Variants in LRMDA observed in about 807,000 individuals in gnomAD.
LRMDA encodes leucine rich melanocyte differentiation associated.
In LRMDA, 18 loss-of-function variants were observed where a neutral mutation model predicts 29.8. That is an observed-to-expected ratio of 0.60 (90% CI 0.42 to 0.90). LRMDA has a LOEUF of 0.90. Among genes scored for constraint, LRMDA ranks in the 40% least tolerant of loss-of-function variants. The pLI is 0.00. For synonymous variants in LRMDA, 125 were observed against 109.4 expected (o/e 1.14, Z -0.89); for missense variants, 273 against 273.9 (o/e 1.00, Z 0.02).
At chr10:76,337,242 G>A (rs1022814099) in intron 6 of LRMDA, among the ~76,000 whole-genome samples, 3 of 152,164 alleles carry the variant, frequency 2.0e-5, no homozygotes, top group Admixed American at 2.0e-4. Flanking sequence ...TGCATAAAGT[G>A]GGCAAACATT....
At chr10:75,650,865 G>A (rs1178670797) in intron 2 of LRMDA, among the ~76,000 whole-genome samples, 1 of 152,072 alleles carries the variant, frequency 6.6e-6, no homozygotes, top group African/African-American at 2.4e-5. Flanking sequence ...CAAAGGATGA[G>A]CCCCCATGGT....
chr10:76,416,780 A>C (rs1842019642), intron 6 of LRMDA, among the ~76,000 whole-genome samples: 1 of 152,138 alleles, frequency 6.6e-6, no homozygotes, highest in Non-Finnish European at 1.5e-5. Context: ...ATTCCACTTC[A>C]TCTCCCCAGT....
chr10:76,469,540 G>A (rs1243383313), intron 6 of LRMDA, among the ~76,000 whole-genome samples: 1 of 152,054 alleles, frequency 6.6e-6, no homozygotes, highest in Admixed American at 6.6e-5. Context: ...GTGGCTTGGA[G>A]GTTTTTCTCA....
chr10:76,396,250 T>C (rs1332464216), intron 6 of LRMDA, among the ~76,000 whole-genome samples: 1 of 152,218 alleles, frequency 6.6e-6, no homozygotes, highest in Non-Finnish European at 1.5e-5. Context: ...GACATCATTA[T>C]TCTTTGTCTC....
intron 5 of LRMDA, among the ~76,000 whole-genome samples, chr10:76,088,730 A>G (rs1367678507): frequency 1.3e-5 from 2 of 152,246 alleles, no homozygotes; most frequent in Non-Finnish European, 2.9e-5. Flanking sequence ...TCTGGAGGCA[A>G]TGAATCCACA....
At chr10:75,958,069 C>G (rs1391494625) in intron 2 of LRMDA, among the ~76,000 whole-genome samples, 1 of 152,066 alleles carries the variant, frequency 6.6e-6, no homozygotes, top group Non-Finnish European at 1.5e-5. Context: ...AAAACTGTAG[C>G]CTGTGCGCCT....
intron 1 of LRMDA, among the ~76,000 whole-genome samples, chr10:75,433,733 AGTT>A (rs573051618): frequency 1.3e-5 from 2 of 152,182 alleles, no homozygotes; most frequent in Non-Finnish European, 2.9e-5. Context: ...GTGTGAATAT[AGTT>A]TTTATTACAA....
chr10:76,357,431 C>T (rs1554815470), intron 6 of LRMDA, among the ~76,000 whole-genome samples: 8 of 152,180 alleles, frequency 5.3e-5, no homozygotes, highest in Non-Finnish European at 1.2e-4. Context: ...TGGAGGTACA[C>T]ATCAGAGGGG....
intron 2 of LRMDA, among the ~76,000 whole-genome samples, chr10:75,673,916 G>T (rs935496954): frequency 6.6e-6 from 1 of 152,066 alleles, no homozygotes; most frequent in African/African-American, 2.4e-5. Flanking sequence ...TTAGCATCCT[G>T]CCTGACACAT....
At chr10:76,354,347 T>G (rs1841213927) in intron 6 of LRMDA, among the ~76,000 whole-genome samples, 1 of 152,144 alleles carries the variant, frequency 6.6e-6, no homozygotes. Context: ...TGAGTTGATA[T>G]GGGGCAACAG....
At chr10:76,001,106 C>G (rs1414665034) in intron 2 of LRMDA, among the ~76,000 whole-genome samples, 1 of 152,172 alleles carries the variant, frequency 6.6e-6, no homozygotes, top group Non-Finnish European at 1.5e-5. Flanking sequence ...CACCACCCTG[C>G]CTTCCTGGAG....
chr10:75,699,255 A>G (rs1177894955), intron 2 of LRMDA, among the ~76,000 whole-genome samples: 1 of 152,180 alleles, frequency 6.6e-6, no homozygotes, highest in East Asian at 1.9e-4. Flanking sequence ...AATGCCTAAC[A>G]GTACTAGAAG....
chr10:75,639,165 C>A (rs751606165), intron 2 of LRMDA, among the ~76,000 whole-genome samples: 2 of 152,124 alleles, frequency 1.3e-5, no homozygotes, highest in Non-Finnish European at 2.9e-5. Flanking sequence ...ACCTGTGATA[C>A]GTAAACTTAA....
At chr10:75,785,337 C>T (rs1311735835) in intron 2 of LRMDA, among the ~76,000 whole-genome samples, 3 of 81,352 alleles carry the variant, frequency 3.7e-5, no homozygotes, top group African/African-American at 1.8e-4. Flanking sequence ...CTGTGGAAGT[C>T]CTTGAACGGG....
At chr10:76,515,005 G>C (rs1843045686) in intron 6 of LRMDA, among the ~76,000 whole-genome samples, 1 of 152,074 alleles carries the variant, frequency 6.6e-6, no homozygotes, top group Non-Finnish European at 1.5e-5. Context: ...CTTCTGGCAT[G>C]ATTATGCAAG....
At position 75,935,284 on chromosome 10, in the gene LRMDA, C is replaced by T. The variant is rs375436287; in HGVS notation, c.132-100724C>T. 3.9e-5 allele frequency among the ~76,000 whole-genome samples: 6 copies of T among 152,202 alleles called. No homozygotes were observed. The South Asian group carries it at 1.2e-3, about 32-fold the overall frequency. ...ATGCATAAATAAATTTCAGCAAATC[C>T]CCCGGATGAACAATGATTGTGTGGT... is the stretch of plus-strand genomic sequence containing the variant. On this transcript the variant is annotated intron_variant, in intron 2 of 6. Transcript: ENST00000611255.
intron 5 of LRMDA, chr10:76,318,279 T>G (rs1840725409): frequency 6.6e-6 from 1 of 152,270 alleles, no homozygotes; most frequent in African/African-American, 2.4e-5. Context: ...CCCTCCCTCC[T>G]TTTCTTTTTC....
chr10:76,519,527 G>C (rs2132359674), intron 6 of LRMDA, among the ~76,000 whole-genome samples: 1 of 152,278 alleles, frequency 6.6e-6, no homozygotes, highest in Admixed American at 6.5e-5. Context: ...ATGTTTGGCA[G>C]GGAGAAGGAC....
intron 5 of LRMDA, among the ~76,000 whole-genome samples, chr10:76,114,008 T>A (rs1849623622): frequency 1.3e-5 from 2 of 152,200 alleles, no homozygotes; most frequent in Non-Finnish European, 2.9e-5. Flanking sequence ...TTGTGGTTTT[T>A]TTCGGCCTGT....
Sources: gnomAD v4.1 joint callset for allele counts (sites outside exome capture counted in the v4.1 genomes callset) on GRCh38, gnomAD v4.1.1 for gene constraint, MANE v1.5 for transcripts, NCBI Gene and HGNC (gene_info 2026-07-23, HGNC 2026-07-21) for gene names.